The following LRBA variants were observed in gnomAD, a reference collection of about 807,000 sequenced individuals.
LRBA encodes lipopolysaccharide-responsive and beige-like anchor protein.
A neutral mutation model predicts 330.0 loss-of-function variants in LRBA; 176 were observed. That is an observed-to-expected ratio of 0.53 (90% CI 0.47 to 0.60). The LOEUF (loss-of-function observed/expected upper bound fraction) is 0.60. Among genes scored for constraint, LRBA ranks in the 20% least tolerant of loss-of-function variants. The pLI, the probability that LRBA is intolerant of heterozygous loss-of-function variation, is 0.00. For synonymous variants in LRBA, 1,230 were observed against 1,193.0 expected, an observed-to-expected ratio of 1.03 and a Z score of -0.64; for missense variants, 3,259 against 3,444.8, an observed-to-expected ratio of 0.95 and a Z score of 1.35.
chr4:150,370,958 T>G (rs7693658), intron 47 of LRBA, among the ~76,000 whole-genome samples: 5,372 of 152,186 alleles, frequency 0.035, 218 homozygotes, highest in African/African-American at 0.093. Flanking sequence ...CAATTGCTAC[T>G]TTCTAAAGCG....
intron 36 of LRBA, 104 bp from the exon 37 acceptor site, chr4:150,683,821 T>A: frequency 5.0e-6 from 4 of 806,660 alleles, no homozygotes; most frequent in Non-Finnish European, 7.6e-6. Flanking sequence ...AAATTTTAAA[T>A]CTACTTTTAC....
At chr4:150,362,585 C>G (rs1414046545) in intron 47 of LRBA, among the ~76,000 whole-genome samples, 1 of 152,152 alleles carries the variant, frequency 6.6e-6, no homozygotes, top group East Asian at 1.9e-4. Context: ...TTCAGTAGAT[C>G]AGGGGCAGAG....
Position 150,508,207 on chromosome 4 carries a change from C to T in LRBA, c.6331-17172G>A, listed in dbSNP as rs528659891. 4.1e-5 allele frequency among the ~76,000 whole-genome samples: 5 copies of T among 122,660 alleles called. No homozygotes were observed. In the East Asian group the frequency reaches 1.2e-3, roughly 30 times the overall value. The allele number at this position is 122,660 out of a possible 152,430, so 80.5% of individuals were successfully genotyped here. A position where few individuals can be genotyped will look rare whatever the true frequency, so the allele number is the denominator to read the frequency against. ...AAACCTGCAAATTGTGCACATGTAC[C>T]CTAAAACTTAAAATAATAAAATTTA... On this transcript the variant is annotated intron_variant, in intron 40 of 56. Transcript: ENST00000651943.
intron 36 of LRBA, among the ~76,000 whole-genome samples, chr4:150,693,563 CAA>C (rs70941428): frequency 9.5e-5 from 5 of 52,714 alleles, no homozygotes; most frequent in Non-Finnish European, 1.8e-4. Flanking sequence ...GACTCCGTCT[CAA>C]AAAAAAAAAA....
chr4:150,636,790 G>C (rs939115632), intron 37 of LRBA, among the ~76,000 whole-genome samples: 6 of 152,086 alleles, frequency 3.9e-5, no homozygotes, highest in Admixed American at 3.9e-4. Context: ...TGGCACCACA[G>C]ACATGCACTA....
chr4:150,294,923 C>A (rs779080895), intron 53 of LRBA, among the ~76,000 whole-genome samples: 19 of 152,018 alleles, frequency 1.2e-4, no homozygotes, highest in Admixed American at 4.6e-4. Flanking sequence ...TGCACTCCAG[C>A]CTGGTGACAG....
At chr4:150,767,745 G>A (rs1458777897) in intron 34 of LRBA, among the ~76,000 whole-genome samples, 3 of 116,422 alleles carry the variant, frequency 2.6e-5, no homozygotes, top group African/African-American at 6.4e-5. Context: ...GCAACAGAGC[G>A]AGACTTGTTG....
At chr4:150,342,081 T>C (rs531805085) in intron 48 of LRBA, among the ~76,000 whole-genome samples, 6 of 152,182 alleles carry the variant, frequency 3.9e-5, no homozygotes, top group African/African-American at 1.4e-4. Flanking sequence ...TTCGTAAAAA[T>C]AGTTATTCTT....
chr4:150,477,687 T>C (rs1016197858), intron 42 of LRBA, among the ~76,000 whole-genome samples: 2 of 151,956 alleles, frequency 1.3e-5, no homozygotes, highest in Non-Finnish European at 2.9e-5. Context: ...ATGGGGTAAA[T>C]TTCCCCCTTG....
chr4:150,422,758 G>T (rs1359417030), intron 46 of LRBA: 9 of 1,262,878 alleles, frequency 7.1e-6, no homozygotes, highest in Middle Eastern at 2.2e-4. Context: ...TTCATGACCT[G>T]GTGGCCAGCT....
chr4:150,667,838 T>G (rs1432854149), intron 37 of LRBA, among the ~76,000 whole-genome samples: 1 of 152,170 alleles, frequency 6.6e-6, no homozygotes, highest in African/African-American at 2.4e-5. Flanking sequence ...AAATAAATGT[T>G]TGTACTTTAA....
chr4:150,435,811 A>T, intron 45 of LRBA, 103 bp from the exon 46 acceptor site: 1 of 724,066 alleles, frequency 1.4e-6, no homozygotes, highest in East Asian at 2.8e-5. Context: ...ATAGGCATTC[A>T]CTAGTAATAT....
chr4:150,504,247 C>T (rs1262755547), intron 40 of LRBA, among the ~76,000 whole-genome samples: 6 of 152,088 alleles, frequency 3.9e-5, no homozygotes, highest in Non-Finnish European at 5.9e-5. Flanking sequence ...GAGAACGCCA[C>T]AAAGATACTC....
chr4:150,463,930 G>A (rs1194615947), intron 44 of LRBA, among the ~76,000 whole-genome samples: 1 of 151,618 alleles, frequency 6.6e-6, no homozygotes, highest in African/African-American at 2.4e-5. Flanking sequence ...GGTAAAAAAG[G>A]GTGGTGTTAG....
At chr4:150,386,950 T>C (rs531023551) in intron 47 of LRBA, among the ~76,000 whole-genome samples, 12 of 152,334 alleles carry the variant, frequency 7.9e-5, no homozygotes, top group African/African-American at 2.4e-4. Flanking sequence ...TTTTTAATAA[T>C]AGCCATTCTG....
chr4:150,404,193 A>G (rs1581217198), intron 47 of LRBA, among the ~76,000 whole-genome samples: 1 of 152,322 alleles, frequency 6.6e-6, no homozygotes, highest in Non-Finnish European at 1.5e-5. Flanking sequence ...CAATTTAGTT[A>G]TGGACATGAC....
At chr4:150,988,957 C>T (rs207465172) in intron 2 of LRBA, among the ~76,000 whole-genome samples, 9 of 151,740 alleles carry the variant, frequency 5.9e-5, no homozygotes, top group South Asian at 2.1e-4. Flanking sequence ...GGGGGGGACA[C>T]GGTAATTATC....
At chr4:150,412,475 A>G (rs1298619883) in intron 47 of LRBA, among the ~76,000 whole-genome samples, 2 of 152,152 alleles carry the variant, frequency 1.3e-5, no homozygotes, top group African/African-American at 4.8e-5. Flanking sequence ...ACCTGTCCCA[A>G]ATAGACCTGG....
chr4:150,280,667 T>A (rs964100729), intron 55 of LRBA, among the ~76,000 whole-genome samples: 1 of 152,216 alleles, frequency 6.6e-6, no homozygotes, highest in Non-Finnish European at 1.5e-5. Context: ...TCACAGAAAC[T>A]TAATTTCTGG....
Sources: gnomAD v4.1 joint callset for allele counts (sites outside exome capture counted in the v4.1 genomes callset) on GRCh38, gnomAD v4.1.1 for gene constraint, MANE v1.5 for transcripts, NCBI Gene and HGNC (gene_info 2026-07-23, HGNC 2026-07-21) for gene names.